The following WDFY3 variants were observed in gnomAD, a reference collection of about 807,000 sequenced individuals.
WDFY3 encodes the protein WD repeat and FYVE domain containing 3, also known as WD repeat and FYVE domain-containing protein 3.
Under a neutral mutation model 409.6 loss-of-function variants are expected in WDFY3, and 66 were observed. That is an observed-to-expected ratio of 0.16 (90% CI 0.13 to 0.20). WDFY3 has a LOEUF of 0.20. Ranked by LOEUF, WDFY3 falls within the 10% of genes least tolerant of loss-of-function variation. WDFY3 has a pLI of 1.00. For synonymous variants in WDFY3, 1,521 were observed against 1,537.1 expected, an observed-to-expected ratio of 0.99 and a Z score of 0.25; for missense variants, 3,031 against 4,298.1, an observed-to-expected ratio of 0.71 and a Z score of 8.24.
At chr4:84,754,344 GA>G (rs1741058945) in intron 34 of WDFY3, among the ~76,000 whole-genome samples, 2 of 152,086 alleles carry the variant, frequency 1.3e-5, no homozygotes, top group Admixed American at 6.5e-5. Flanking sequence ...CTGTATATTT[GA>G]ACAATGTATA....
At chr4:84,937,700 C>A (rs1430056774) in intron 1 of WDFY3, among the ~76,000 whole-genome samples, 1 of 152,112 alleles carries the variant, frequency 6.6e-6, no homozygotes, top group African/African-American at 2.4e-5. Context: ...TCAGAGTAGG[C>A]CATTTTTTTA....
intron 1 of WDFY3, among the ~76,000 whole-genome samples, chr4:84,938,874 C>T (rs1373331789): frequency 2.0e-5 from 3 of 152,074 alleles, no homozygotes; most frequent in Non-Finnish European, 4.4e-5. Context: ...GCCCTTTCCT[C>T]CTCTTCTTCC....
At chr4:84,925,023 C>T (rs1447256932) in intron 2 of WDFY3, among the ~76,000 whole-genome samples, 1 of 152,110 alleles carries the variant, frequency 6.6e-6, no homozygotes, top group Non-Finnish European at 1.5e-5. Context: ...AGCAGTTAAG[C>T]TCAGAAGAGA....
At chr4:84,917,043 T>TCA (rs1416751591) in intron 2 of WDFY3, among the ~76,000 whole-genome samples, 1 of 152,174 alleles carries the variant, frequency 6.6e-6, no homozygotes, top group Admixed American at 6.5e-5. Flanking sequence ...ATTTTATATA[T>TCA]CACACACACG....
intron 67 of WDFY3, among the ~76,000 whole-genome samples, chr4:84,673,308 T>G (rs529080950): frequency 1.3e-5 from 2 of 152,302 alleles, no homozygotes; most frequent in South Asian, 4.1e-4. Context: ...ATTCTACCTG[T>G]GTAGACTAAT....
intron 44 of WDFY3, 129 bp downstream of exon 44, chr4:84,733,253 A>G (rs1203698802): frequency 8.7e-6 from 9 of 1,036,396 alleles, no homozygotes; most frequent in Non-Finnish European, 1.3e-5. Context: ...GAAGTTATCA[A>G]TTTAATAGCG....
chr4:84,707,168 G>A lies in WDFY3; in HGVS notation c.8218-1657C>T, dbSNP rs191537955. ...TGGTCTTGAACTCCTGGACTCATGC[G>A]ATTTGCCCTCCTCGGCCTCCCAAAG... On this transcript the variant is annotated intron_variant, in intron 53 of 67. Transcript: ENST00000295888. Among the ~76,000 whole-genome samples the A allele has an allele frequency of 2.2e-3, 328 of 152,072 alleles. 3 individuals carry two copies. Among genetic ancestry groups the A allele is most frequent in the Non-Finnish European group, 2.9e-3 (194 of 67,986 alleles).
intron 54 of WDFY3, 89 bp downstream of exon 54, chr4:84,705,305 G>A: frequency 2.1e-6 from 2 of 950,028 alleles, no homozygotes; most frequent in Admixed American, 4.0e-5. Context: ...TAAGCAATTT[G>A]AAGGAGGATG....
At chr4:84,849,086 A>G (rs1421192429) in intron 5 of WDFY3, among the ~76,000 whole-genome samples, 2 of 152,170 alleles carry the variant, frequency 1.3e-5, no homozygotes, top group African/African-American at 4.8e-5. Context: ...ATCCTTTTTT[A>G]TAAAGCTGCT....
At chr4:84,768,899 G>T (rs1238747883) in intron 30 of WDFY3, among the ~76,000 whole-genome samples, 1 of 152,170 alleles carries the variant, frequency 6.6e-6, no homozygotes, top group Non-Finnish European at 1.5e-5. Context: ...CACCACTTTA[G>T]ACGCCATTAA....
At chr4:84,875,293 C>CAT (rs1762632774) in intron 3 of WDFY3, among the ~76,000 whole-genome samples, 1 of 151,536 alleles carries the variant, frequency 6.6e-6, no homozygotes, top group East Asian at 1.9e-4. Flanking sequence ...CACACACACA[C>CAT]ACACACACAC....
chr4:84,742,839 C>T (rs1284987722), intron 37 of WDFY3, among the ~76,000 whole-genome samples: 1 of 152,160 alleles, frequency 6.6e-6, no homozygotes, highest in Non-Finnish European at 1.5e-5. Flanking sequence ...GGTTGGGGAC[C>T]ACTGCTTTAA....
chr4:84,733,535 C>T lies in WDFY3; in HGVS notation c.7068G>A (p.Gly2356=), dbSNP rs772148404. ...GGGAGCCGATGGGAGGGCCCCACAGCCCCCGCTCCCTCAACAGCTCGCACT... is the reference window on the plus strand; with the variant it reads ...GGGAGCCGATGGGAGGGCCCCACAGTCCCCGCTCCCTCAACAGCTCGCACT... ...QIECELLRER[G]LWGPPIGSHL... Residue 2356 remains glycine (G), a synonymous_variant, in exon 44 of 68, where the codon GGG becomes GGA. Transcript: ENST00000295888. 6.2e-7 allele frequency: 1 copy of T among 1,614,134 alleles called. No homozygotes were observed. The highest frequency in any genetic ancestry group is 1.1e-5 in the South Asian group (1 of 91,078).
intron 50 of WDFY3, 26 bp downstream of exon 50, chr4:84,715,272 T>A: frequency 7.1e-7 from 1 of 1,408,144 alleles, no homozygotes; most frequent in Non-Finnish European, 1.0e-6. Context: ...CATAATAGTA[T>A]ACAAAGTGTT....
intron 2 of WDFY3, among the ~76,000 whole-genome samples, chr4:84,924,732 T>C (rs1769748712): frequency 1.3e-5 from 2 of 152,288 alleles, no homozygotes; most frequent in South Asian, 4.1e-4. Context: ...GAGGAAAAGG[T>C]ATACTTGAAC....
At chr4:84,897,713 G>T (rs187793113) in intron 2 of WDFY3, among the ~76,000 whole-genome samples, 11 of 152,252 alleles carry the variant, frequency 7.2e-5, no homozygotes, top group African/African-American at 2.6e-4. Flanking sequence ...TCCTAACGCA[G>T]GACAAAGTGA....
At chr4:84,752,132 A>G (rs963958488) in intron 35 of WDFY3, among the ~76,000 whole-genome samples, 1 of 152,140 alleles carries the variant, frequency 6.6e-6, no homozygotes, top group African/African-American at 2.4e-5. Context: ...TTATAGGTTA[A>G]AAAAACCCCA....
At chr4:84,953,795 T>C (rs1209609316) in intron 1 of WDFY3, among the ~76,000 whole-genome samples, 1 of 152,180 alleles carries the variant, frequency 6.6e-6, no homozygotes, top group African/African-American at 2.4e-5. Flanking sequence ...CTATCAATTT[T>C]ATATGTCCTA....
intron 1 of WDFY3, among the ~76,000 whole-genome samples, chr4:84,959,317 G>A (rs1774631398): frequency 6.6e-6 from 1 of 151,928 alleles, no homozygotes; most frequent in Non-Finnish European, 1.5e-5. Context: ...AAGGTATACT[G>A]GAAAGACCAC....
Sources: allele counts gnomAD v4.1 joint callset (sites outside exome capture counted in the v4.1 genomes callset), GRCh38; gene constraint gnomAD v4.1.1; transcripts MANE v1.5; gene names NCBI Gene and HGNC (gene_info 2026-07-23, HGNC 2026-07-21).